The following ATP6V0D2 variants were observed in gnomAD, a reference collection of about 807,000 sequenced individuals.
ATP6V0D2 encodes the protein ATPase H+ transporting V0 subunit d2.
ATP6V0D2 carries 40 observed loss-of-function variants against 40.0 expected under a neutral mutation model. That is an observed-to-expected ratio of 1.00 (90% CI 0.78 to 1.30). ATP6V0D2 has a LOEUF of 1.30. ATP6V0D2 is among the 50% of genes most tolerant of loss of function. The probability of loss-of-function intolerance (pLI) is 0.00; values close to 1 mark genes in which losing one functional copy is unlikely to be tolerated. For synonymous variants in ATP6V0D2, 179 were observed against 156.3 expected, an observed-to-expected ratio of 1.15 and a Z score of -1.08; for missense variants, 470 against 423.1, an observed-to-expected ratio of 1.11 and a Z score of -0.97.
At chr8:86,134,508 G>C (rs1036775831) in intron 2 of ATP6V0D2, among the ~76,000 whole-genome samples, 7 of 152,130 alleles carry the variant, frequency 4.6e-5, no homozygotes, top group Non-Finnish European at 1.0e-4. Context: ...GATATACATA[G>C]AGGAAATATA....
chr8:86,133,056 A>T (rs911880389), intron 2 of ATP6V0D2, among the ~76,000 whole-genome samples: 1 of 152,104 alleles, frequency 6.6e-6, no homozygotes, highest in Admixed American at 6.5e-5. Flanking sequence ...ATTGTGGTTG[A>T]AGTATTGGCG....
chr8:86,123,254 A>G (rs1818696699), intron 2 of ATP6V0D2, among the ~76,000 whole-genome samples: 1 of 152,198 alleles, frequency 6.6e-6, no homozygotes, highest in Non-Finnish European at 1.5e-5. Flanking sequence ...TTCCTGGGGC[A>G]TACTTAAAAA....
At chr8:86,125,407 C>G (rs980592236) in intron 2 of ATP6V0D2, among the ~76,000 whole-genome samples, 3 of 152,022 alleles carry the variant, frequency 2.0e-5, no homozygotes, top group Admixed American at 6.6e-5. Flanking sequence ...CACACTTATC[C>G]ATTGTCCTAG....
At chr8:86,141,358 G>A in intron 3 of ATP6V0D2, 92 bp from the exon 4 acceptor site, 1 of 836,910 alleles carries the variant, frequency 1.2e-6, no homozygotes, top group Non-Finnish European at 2.0e-6. Context: ...CTTGTCAGGA[G>A]TGAGCAGAGG....
chr8:86,135,927 A>T (rs1453362756), intron 2 of ATP6V0D2, among the ~76,000 whole-genome samples: 1 of 152,200 alleles, frequency 6.6e-6, no homozygotes, highest in African/African-American at 2.4e-5. Flanking sequence ...TACAAAGATT[A>T]TAGTCTGGAG....
At chr8:86,107,061 C>A (rs1411769298) in intron 1 of ATP6V0D2, among the ~76,000 whole-genome samples, 1 of 151,960 alleles carries the variant, frequency 6.6e-6, no homozygotes, top group Non-Finnish European at 1.5e-5. Context: ...CATTTACTAC[C>A]TAGACAACTG....
At position 86,113,827 on chromosome 8, in the gene ATP6V0D2, G is replaced by C; in HGVS notation, c.249G>C (p.Glu83Asp). ...EMRKRLCGEF[E>D]YFRNHSLEPL... ...GGAAAAGACTATGTGGAGAATTTGA[G>C]TATTTCCGGAATCATTCCCTGGAGC... Residue 83 changes from glutamate (E) to aspartate (D), a missense_variant, in exon 2 of 8, where the codon GAG becomes GAC. By Grantham distance (45) the Glu-to-Asp change is conservative (BLOSUM62 2). Coordinates refer to ENST00000285393, the MANE Select transcript of ATP6V0D2 (RefSeq NM_152565.1). 1.2e-6 allele frequency: 2 copies of C among 1,613,856 alleles called. No homozygotes were observed. Among genetic ancestry groups the C allele is most frequent in the Non-Finnish European group, 1.7e-6 (2 of 1,179,902 alleles).
intron 6 of ATP6V0D2, among the ~76,000 whole-genome samples, 172 bp downstream of exon 6, chr8:86,150,460 C>A (rs2129645737): frequency 6.6e-6 from 1 of 152,186 alleles, no homozygotes; most frequent in East Asian, 1.9e-4. Flanking sequence ...CGTTAAGTTT[C>A]TAGCCCAAGC....
At chr8:86,125,705 C>A (rs1406506627) in intron 2 of ATP6V0D2, among the ~76,000 whole-genome samples, 6 of 152,004 alleles carry the variant, frequency 3.9e-5, no homozygotes, top group African/African-American at 1.4e-4. Context: ...TCTTTCTAAA[C>A]TTTTTCCTTG....
chr8:86,121,860 A>T (rs939663268), intron 2 of ATP6V0D2, among the ~76,000 whole-genome samples: 7 of 152,202 alleles, frequency 4.6e-5, no homozygotes, highest in Admixed American at 4.6e-4. Flanking sequence ...TTTATTAGAG[A>T]CAGTCTAAAT....
chr8:86,100,635 C>T (rs1563553590), intron 1 of ATP6V0D2, among the ~76,000 whole-genome samples: 1 of 152,016 alleles, frequency 6.6e-6, no homozygotes, highest in Non-Finnish European at 1.5e-5. Flanking sequence ...ACAGTAAAAC[C>T]CCAAATCCTA....
At chr8:86,105,621 C>T (rs57368948) in intron 1 of ATP6V0D2, among the ~76,000 whole-genome samples, 58,771 of 131,918 alleles carry the variant, frequency 0.45, 13,076 homozygotes, top group East Asian at 0.5. Flanking sequence ...TTTTTCTTTT[C>T]TTTTTTTTTT....
chr8:86,149,149 A>G (rs1340070265), intron 5 of ATP6V0D2, among the ~76,000 whole-genome samples: 2 of 151,538 alleles, frequency 1.3e-5, no homozygotes, highest in African/African-American at 4.9e-5. Flanking sequence ...ACAGATTTCA[A>G]AATGAAGTGG....
intron 2 of ATP6V0D2, among the ~76,000 whole-genome samples, chr8:86,116,484 A>G (rs1322171453): frequency 6.6e-6 from 1 of 152,144 alleles, no homozygotes. Flanking sequence ...GGGATTATAG[A>G]CGTGCACCAT....
intron 4 of ATP6V0D2, among the ~76,000 whole-genome samples, chr8:86,142,514 C>T (rs1818988729): frequency 6.6e-6 from 1 of 152,174 alleles, no homozygotes; most frequent in South Asian, 2.1e-4. Context: ...CTACAAGAGA[C>T]TAAATGTCAG....
rs116297522 is a variant in ATP6V0D2 at position 86,098,931 on chromosome 8, A to G, written c.-48A>G. 2,711 of 1,592,356 alleles carry G rather than the reference A, an allele frequency of 1.7e-3. 42 individuals carry two copies. In the African/African-American group the frequency reaches 0.033, roughly 19 times the overall value. On this transcript the variant is annotated 5_prime_UTR_variant, in exon 1 of 8. Transcript: ENST00000285393. ...TAGTGCAAATCTTCAGGGGCCGTCCAGGACTACAGAGCTGTTTCACCCTAC... is the reference window on the plus strand; with the variant it reads ...TAGTGCAAATCTTCAGGGGCCGTCCGGGACTACAGAGCTGTTTCACCCTAC...
Position 86,152,876 on chromosome 8 carries a change from G to A in ATP6V0D2, c.952G>A (p.Val318Ile). The change falls in exon 8 of 8, where the codon GTA (valine) becomes ATA (isoleucine). Residue 318 changes from valine (V) to isoleucine (I), a missense_variant. Val to Ile is a conservative substitution (Grantham distance 29). Coordinates refer to ENST00000285393, the MANE Select transcript of ATP6V0D2 (RefSeq NM_152565.1). ...CCACTACGGTGTGTTTTATGCATAT[G>A]TAAAGCTGAAGGAACAGGAAATTAG... is the stretch of plus-strand genomic sequence containing the variant. The part of the protein sequence containing the change: ...QFHYGVFYAY[V>I]KLKEQEIRNI... 6.2e-7 allele frequency: 1 copy of A among 1,612,822 alleles called. No individual in the cohort carries two copies. The highest frequency in any genetic ancestry group is 2.2e-5 in the East Asian group (1 of 44,778).
intron 2 of ATP6V0D2, among the ~76,000 whole-genome samples, chr8:86,125,303 C>T (rs928925652): frequency 1.3e-5 from 2 of 152,156 alleles, no homozygotes; most frequent in Admixed American, 1.3e-4. Context: ...TCCCAATAAC[C>T]TGTTTTCCAA....
At chr8:86,144,929 G>T (rs1260177263) in intron 5 of ATP6V0D2, among the ~76,000 whole-genome samples, 1 of 151,552 alleles carries the variant, frequency 6.6e-6, no homozygotes, top group East Asian at 1.9e-4. Flanking sequence ...GCCAAGCTGG[G>T]TGAGCACCTG....
Sources: allele counts gnomAD v4.1 joint callset (sites outside exome capture counted in the v4.1 genomes callset), GRCh38; gene constraint gnomAD v4.1.1; transcripts MANE v1.5; gene names NCBI Gene and HGNC (gene_info 2026-07-23, HGNC 2026-07-21).